Variants in LRMDA observed in about 807,000 individuals in gnomAD.
The protein encoded by LRMDA is leucine rich melanocyte differentiation associated.
In LRMDA, 18 loss-of-function variants were observed where a neutral mutation model predicts 29.8. The observed-to-expected ratio is 0.60, with a 90% CI of 0.42 to 0.90. The LOEUF (loss-of-function observed/expected upper bound fraction) is 0.90. Among genes scored for constraint, LRMDA ranks in the 40% least tolerant of loss-of-function variants. The pLI is 0.00. For missense variants in LRMDA, 273 were observed against 273.9 expected (o/e 1.00, Z 0.02); for synonymous variants, 125 against 109.4 (o/e 1.14, Z -0.89).
intron 5 of LRMDA, among the ~76,000 whole-genome samples, chr10:76,132,532 A>G (rs1431021526): frequency 6.6e-6 from 1 of 152,194 alleles, no homozygotes; most frequent in Non-Finnish European, 1.5e-5. Flanking sequence ...CTTATAAATT[A>G]TATTGTCATT....
At chr10:76,278,919 T>G (rs1046866797) in intron 5 of LRMDA, among the ~76,000 whole-genome samples, 1 of 152,202 alleles carries the variant, frequency 6.6e-6, no homozygotes, top group Non-Finnish European at 1.5e-5. Context: ...CAAGGAAGAA[T>G]GAAATAAACA....
At chr10:76,371,008 T>A (rs895245818) in intron 6 of LRMDA, among the ~76,000 whole-genome samples, 1 of 152,168 alleles carries the variant, frequency 6.6e-6, no homozygotes, top group Non-Finnish European at 1.5e-5. Flanking sequence ...AAAATGGGAC[T>A]CTTCAAGTTC....
intron 3 of LRMDA, among the ~76,000 whole-genome samples, chr10:76,043,829 A>G (rs1430028241): frequency 6.6e-6 from 1 of 152,218 alleles, no homozygotes; most frequent in Non-Finnish European, 1.5e-5. Flanking sequence ...AAGCCTTGCC[A>G]GTTTGGGGTT....
At chr10:76,363,165 G>A (rs1353485486) in intron 6 of LRMDA, among the ~76,000 whole-genome samples, 1 of 39,610 alleles carries the variant, frequency 2.5e-5, no homozygotes, top group African/African-American at 1.0e-4. Context: ...AAGAAAGAAA[G>A]AAAGAAAGAA....
chr10:75,868,782 C>T (rs956331559), intron 2 of LRMDA, among the ~76,000 whole-genome samples: 1 of 150,778 alleles, frequency 6.6e-6, no homozygotes, highest in African/African-American at 2.5e-5. Flanking sequence ...GCCCTCCTCT[C>T]TCTCTCCATC....
intron 2 of LRMDA, among the ~76,000 whole-genome samples, chr10:75,519,188 G>T (rs1200176296): frequency 2.6e-5 from 4 of 152,150 alleles, no homozygotes; most frequent in African/African-American, 9.7e-5. Context: ...TGTTGATTTG[G>T]GGTGTAGAGT....
chr10:76,049,020 A>G (rs796927515), intron 4 of LRMDA, among the ~76,000 whole-genome samples: 16 of 152,278 alleles, frequency 1.1e-4, no homozygotes, highest in African/African-American at 3.4e-4. Flanking sequence ...TCAGATGCCC[A>G]CTGCCCATTT....
Position 76,066,613 on chromosome 10 carries a change from T to C in LRMDA, c.516+7830T>C, listed in dbSNP as rs553839277. Among the ~76,000 whole-genome samples the C allele has an allele frequency of 2.0e-3, 305 of 152,234 alleles. 1 individual carries two copies. Among genetic ancestry groups the C allele is most frequent in the Middle Eastern group, 6.8e-3 (2 of 294 alleles). On this transcript the variant is annotated intron_variant, in intron 5 of 6. Coordinates refer to ENST00000611255, the MANE Select transcript of LRMDA (RefSeq NM_001305581.2). ...TCATTAACAAGGCATACATTTCTGA[T>C]GGAAGGCAGGGGTGAAAGAGCAGGA... is the stretch of plus-strand genomic sequence containing the variant.
chr10:75,663,599 G>C (rs1841783096), intron 2 of LRMDA, among the ~76,000 whole-genome samples: 1 of 152,056 alleles, frequency 6.6e-6, no homozygotes, highest in African/African-American at 2.4e-5. Flanking sequence ...ACCTGAGCAG[G>C]GTGTCTGCCT....
chr10:76,338,821 A>G (rs1841001822), intron 6 of LRMDA, among the ~76,000 whole-genome samples: 1 of 152,240 alleles, frequency 6.6e-6, no homozygotes, highest in African/African-American at 2.4e-5. Context: ...CACAAAATCC[A>G]GGAAGAGCAA....
intron 2 of LRMDA, among the ~76,000 whole-genome samples, chr10:75,784,404 A>C (rs548970442): frequency 6.9e-4 from 105 of 152,332 alleles, no homozygotes; most frequent in African/African-American, 2.3e-3. Flanking sequence ...TGGTTAAGAA[A>C]GGTAGATAAT....
At chr10:75,696,193 C>A (rs1842231871) in intron 2 of LRMDA, among the ~76,000 whole-genome samples, 1 of 152,198 alleles carries the variant, frequency 6.6e-6, no homozygotes, top group Non-Finnish European at 1.5e-5. Flanking sequence ...CAGTAACAAC[C>A]CCCAAATCTC....
chr10:76,055,145 G>A (rs1224709544), intron 4 of LRMDA, among the ~76,000 whole-genome samples: 1 of 151,270 alleles, frequency 6.6e-6, no homozygotes, highest in Non-Finnish European at 1.5e-5. Flanking sequence ...GGTGTTTTGT[G>A]GCACTTTCTT....
At chr10:75,795,856 C>T (rs1843643280) in intron 2 of LRMDA, among the ~76,000 whole-genome samples, 2 of 152,094 alleles carry the variant, frequency 1.3e-5, no homozygotes. Context: ...TTAAGTTTTT[C>T]AATCCATAAA....
chr10:76,181,022 T>C (rs1375729484), intron 5 of LRMDA, among the ~76,000 whole-genome samples: 4 of 152,052 alleles, frequency 2.6e-5, no homozygotes, highest in Non-Finnish European at 5.9e-5. Flanking sequence ...GCTATAAGAG[T>C]GCCACTGTGA....
intron 2 of LRMDA, among the ~76,000 whole-genome samples, chr10:75,526,517 A>T (rs1334637522): frequency 6.6e-6 from 1 of 152,088 alleles, no homozygotes; most frequent in African/African-American, 2.4e-5. Context: ...GATTACAAGA[A>T]TGGAGGCAGT....
At chr10:76,088,064 G>A (rs1027416863) in intron 5 of LRMDA, among the ~76,000 whole-genome samples, 4 of 152,160 alleles carry the variant, frequency 2.6e-5, no homozygotes, top group Non-Finnish European at 5.9e-5. Flanking sequence ...AGGCTACAGT[G>A]AGCCGTGATT....
chr10:75,486,387 A>G (rs1844913344), intron 2 of LRMDA, among the ~76,000 whole-genome samples: 1 of 152,162 alleles, frequency 6.6e-6, no homozygotes, highest in Non-Finnish European at 1.5e-5. Flanking sequence ...TTGACTTAAC[A>G]TGGCCCAGTG....
At chr10:76,268,113 A>G (rs1840027389) in intron 5 of LRMDA, among the ~76,000 whole-genome samples, 1 of 152,156 alleles carries the variant, frequency 6.6e-6, no homozygotes, top group Non-Finnish European at 1.5e-5. Flanking sequence ...CAGATTCCCT[A>G]TGGAACAGAA....
Sources: gnomAD v4.1 joint callset for allele counts (sites outside exome capture counted in the v4.1 genomes callset) on GRCh38, gnomAD v4.1.1 for gene constraint, MANE v1.5 for transcripts, NCBI Gene and HGNC (gene_info 2026-07-23, HGNC 2026-07-21) for gene names.